The following SIPA1L1 variants were observed in gnomAD, a reference collection of about 807,000 sequenced individuals.
SIPA1L1 encodes the protein signal induced proliferation associated 1 like 1.
Under a neutral mutation model 162.7 loss-of-function variants are expected in SIPA1L1, and 26 were observed. That is an observed-to-expected ratio of 0.16 (90% confidence interval 0.12 to 0.22). The LOEUF is 0.22. SIPA1L1 is among the 10% of genes least tolerant of loss of function. The pLI, the probability that SIPA1L1 is intolerant of heterozygous loss-of-function variation, is 1.00. For synonymous variants in SIPA1L1, 829 were observed against 837.4 expected (o/e 0.99, Z 0.17); for missense variants, 1,874 against 2,241.0 (o/e 0.84, Z 3.31).
intron 2 of SIPA1L1, among the ~76,000 whole-genome samples, chr14:71,385,558 C>A (rs1455694859): frequency 6.6e-6 from 1 of 151,402 alleles, no homozygotes; most frequent in African/African-American, 2.4e-5. Flanking sequence ...TGCATTAAGA[C>A]AAAGTAAAAA....
rs1439414625 is a variant in SIPA1L1 at position 71,486,441 on chromosome 14, C to T, written c.-464-26302C>T. The stretch of plus-strand genomic sequence containing the variant: ...GGGAAAGGAAAACAGGCAAATGAGA[C>T]TTTCTGGAATCTCTACTCATTGACT... On this transcript the variant is annotated intron_variant, in intron 2 of 23. Coordinates refer to ENST00000381232, the MANE Select transcript of SIPA1L1 (RefSeq NM_001386936.1). 2.6e-5 allele frequency among the ~76,000 whole-genome samples: 4 copies of T among 152,218 alleles called. No individual in the cohort carries two copies. The East Asian group carries it at 7.7e-4, about 29-fold the overall frequency.
chr14:71,439,950 A>C (rs994486971), intron 2 of SIPA1L1, among the ~76,000 whole-genome samples: 1 of 152,212 alleles, frequency 6.6e-6, no homozygotes, highest in African/African-American at 2.4e-5. Flanking sequence ...AATTCCTGTT[A>C]TACGGGAAGA....
At chr14:71,458,924 T>C (rs2046379021) in intron 2 of SIPA1L1, among the ~76,000 whole-genome samples, 1 of 152,008 alleles carries the variant, frequency 6.6e-6, no homozygotes, top group African/African-American at 2.4e-5. Context: ...AATACAAAAA[T>C]TAGCTGGGCA....
At position 71,738,230 on chromosome 14, in the gene SIPA1L1, C is replaced by T. The variant is rs986416024; in HGVS notation, c.5124-11C>T. On this transcript the variant is annotated splice_polypyrimidine_tract_variant and intron_variant, in intron 22 of 23. Coordinates refer to ENST00000381232, the MANE Select transcript of SIPA1L1 (RefSeq NM_001386936.1). ...CCCCTGCCAACATGGTCTTTTGTTT[C>T]TTGTTCCCAGCAGTAAAGACTCCTC... 4 of 1,433,850 alleles carry T rather than the reference C, an allele frequency of 2.8e-6. No homozygotes were observed. The highest frequency in any genetic ancestry group is 3.8e-6 in the Non-Finnish European group (4 of 1,039,192). The allele number at this position is 1,433,850 out of a possible 1,614,324, so 88.8% of individuals were successfully genotyped here. A position where few individuals can be genotyped will look rare whatever the true frequency, so the allele number is the denominator to read the frequency against.
At chr14:71,456,058 A>G (rs545682432) in intron 2 of SIPA1L1, among the ~76,000 whole-genome samples, 38 of 152,356 alleles carry the variant, frequency 2.5e-4, no homozygotes, top group African/African-American at 8.7e-4. Context: ...TTTATTTCAC[A>G]TGCAATATCA....
Position 71,698,978 on chromosome 14 carries a change from C to G in SIPA1L1, c.3375-3C>G. 6.2e-7 allele frequency: 1 copy of G among 1,614,156 alleles called. No homozygotes were observed. The highest frequency in any genetic ancestry group is 1.3e-5 in the African/African-American group (1 of 75,050). ...ACTTCATGTTTTTGTATTGCACATGCAGGCTGTCTCCTGGTTCGGACATCT... is the reference window on the plus strand; with the variant it reads ...ACTTCATGTTTTTGTATTGCACATGGAGGCTGTCTCCTGGTTCGGACATCT... On this transcript the variant is annotated splice_region_variant and splice_polypyrimidine_tract_variant and intron_variant, in intron 13 of 23. Coordinates refer to ENST00000381232, the MANE Select transcript of SIPA1L1 (RefSeq NM_001386936.1).
chr14:71,343,899 T>C (rs2035900976), intron 2 of SIPA1L1, among the ~76,000 whole-genome samples: 1 of 152,222 alleles, frequency 6.6e-6, no homozygotes, highest in African/African-American at 2.4e-5. Context: ...GTAATTGGCA[T>C]TCCAGATGCT....
chr14:71,597,902 C>T (rs1447235194), intron 5 of SIPA1L1, among the ~76,000 whole-genome samples: 2 of 152,086 alleles, frequency 1.3e-5, no homozygotes, highest in African/African-American at 2.4e-5. Flanking sequence ...TCACAGCCAG[C>T]CTAAGCATGC....
intron 4 of SIPA1L1, among the ~76,000 whole-genome samples, chr14:71,579,143 C>T (rs147665833): frequency 7.9e-5 from 12 of 152,192 alleles, no homozygotes; most frequent in African/African-American, 1.2e-4. Context: ...AGCTGCAGAC[C>T]GCACCGTTTA....
chr14:71,733,583 A>C, intron 20 of SIPA1L1, 83 bp from the exon 21 acceptor site: 1 of 1,372,280 alleles, frequency 7.3e-7, no homozygotes, highest in Non-Finnish European at 1.0e-6. Flanking sequence ...CTTACAATCT[A>C]TTGTGGTAAC....
chr14:71,372,153 C>G (rs1486737917), intron 2 of SIPA1L1, among the ~76,000 whole-genome samples: 1 of 152,078 alleles, frequency 6.6e-6, no homozygotes, highest in African/African-American at 2.4e-5. Context: ...GGGTGATTGC[C>G]TGACAGAAGA....
chr14:71,698,019 C>G (rs1445125785), intron 13 of SIPA1L1, among the ~76,000 whole-genome samples: 1 of 152,028 alleles, frequency 6.6e-6, no homozygotes, highest in African/African-American at 2.4e-5. Context: ...AGTCTAGAGA[C>G]CTGACTTGTT....
At chr14:71,424,728 T>C (rs2043437251) in intron 2 of SIPA1L1, among the ~76,000 whole-genome samples, 1 of 152,092 alleles carries the variant, frequency 6.6e-6, no homozygotes, top group Non-Finnish European at 1.5e-5. Flanking sequence ...GGTCTCCAAT[T>C]TTCTTGTAGT....
chr14:71,708,015 G>GTTTTTTTTTTTTGGTT (rs2082584782), intron 16 of SIPA1L1, among the ~76,000 whole-genome samples: 1 of 100,292 alleles, frequency 1.0e-5, no homozygotes, highest in African/African-American at 3.9e-5. Context: ...GTTTTTTGGT[G>GTTTTTTTTTTTTGGTT]TTTTTTTTTT....
At chr14:71,702,243 G>T (rs2082144041) in intron 14 of SIPA1L1, 138 bp from the exon 15 acceptor site, 4 of 801,588 alleles carry the variant, frequency 5.0e-6, no homozygotes, top group East Asian at 2.5e-5. Flanking sequence ...ACGAACCAGG[G>T]TGTGTATACA....
chr14:71,708,129 A>G (rs2082609440), intron 16 of SIPA1L1, among the ~76,000 whole-genome samples: 1 of 145,888 alleles, frequency 6.9e-6, no homozygotes, highest in South Asian at 2.1e-4. Flanking sequence ...TATGAAGTCC[A>G]GTTTATTTTT....
intron 4 of SIPA1L1, among the ~76,000 whole-genome samples, chr14:71,542,288 TTCCTCTTC>T (rs1258305059): frequency 1.7e-4 from 26 of 148,756 alleles, no homozygotes; most frequent in African/African-American, 6.1e-4. Flanking sequence ...TCCTCTCCTC[TTCCTCTTC>T]TCCTCTTCCT....
At chr14:71,489,087 A>G (rs750131205) in intron 2 of SIPA1L1, among the ~76,000 whole-genome samples, 1 of 152,142 alleles carries the variant, frequency 6.6e-6, no homozygotes, top group Non-Finnish European at 1.5e-5. Flanking sequence ...AGCAACTTAA[A>G]CTGCTTAGGA....
intron 2 of SIPA1L1, among the ~76,000 whole-genome samples, chr14:71,436,747 A>G (rs557124129): frequency 1.6e-4 from 24 of 150,750 alleles, no homozygotes; most frequent in Admixed American, 5.3e-4. Context: ...TAAACTACAG[A>G]CATACCTTCT....
Sources: allele counts gnomAD v4.1 joint callset (sites outside exome capture counted in the v4.1 genomes callset), GRCh38; gene constraint gnomAD v4.1.1; transcripts MANE v1.5; gene names NCBI Gene and HGNC (gene_info 2026-07-23, HGNC 2026-07-21).